The following GALNT13 variants were observed in gnomAD, a reference collection of about 807,000 sequenced individuals.
The protein encoded by GALNT13 is UDP-GalNAc:polypeptide N-acetylgalactosaminyltransferase 13.
A neutral mutation model predicts 64.2 loss-of-function variants in GALNT13; 28 were observed. The observed-to-expected ratio is 0.44, with a 90% confidence interval of 0.32 to 0.60. The LOEUF is 0.60. Ranked by LOEUF, GALNT13 falls within the 20% of genes least tolerant of loss-of-function variation. The pLI, the probability that GALNT13 is intolerant of heterozygous loss-of-function variation, is 0.05. For missense variants in GALNT13, 577 were observed against 669.8 expected (o/e 0.86, Z 1.53); for synonymous variants, 214 against 224.6 (o/e 0.95, Z 0.42).
At chr2:153,635,454 G>GTATATATATATACATATA in the GALNT13 span, among the ~76,000 whole-genome samples, 1 of 145,542 alleles carries the variant, frequency 6.9e-6, no homozygotes, top group Non-Finnish European at 1.5e-5. Context: ...ACATATATAT[G>GTATATATATATACATATA]TATATGTGTA....
chr2:153,782,498 A>G, the GALNT13 span, among the ~76,000 whole-genome samples: 1 of 152,170 alleles, frequency 6.6e-6, no homozygotes, highest in Non-Finnish European at 1.5e-5. Flanking sequence ...GTACAATATT[A>G]TAATTGTATG....
chr2:154,343,499 G>T (rs973382240), intron 9 of GALNT13, among the ~76,000 whole-genome samples: 27 of 152,012 alleles, frequency 1.8e-4, no homozygotes, highest in Non-Finnish European at 3.5e-4. Context: ...TTATACAATA[G>T]AGTGCTAGAG....
the GALNT13 span, chr2:153,423,573 A>G: frequency 2.0e-5 from 3 of 151,918 alleles, no homozygotes; most frequent in African/African-American, 7.2e-5. Flanking sequence ...AAAGATTATG[A>G]TTATGTATAT....
At chr2:153,688,063 A>G in the GALNT13 span, among the ~76,000 whole-genome samples, 1 of 152,042 alleles carries the variant, frequency 6.6e-6, no homozygotes, top group African/African-American at 2.4e-5. Flanking sequence ...AAATTCTCAA[A>G]TTATATTTAG....
the GALNT13 span, among the ~76,000 whole-genome samples, chr2:153,630,793 ATATATATATATATATTTTTTTTTT>A: frequency 7.6e-5 from 1 of 13,242 alleles, no homozygotes; most frequent in Non-Finnish European, 1.5e-4. Flanking sequence ...ATATATATAT[ATATATATATATATATTTTTTTTTT>A]TTTTTTTATT....
chr2:153,921,786 T>C (rs1052142124), intron 2 of GALNT13, among the ~76,000 whole-genome samples: 7 of 151,886 alleles, frequency 4.6e-5, no homozygotes, highest in Admixed American at 1.3e-4. Context: ...CAGAAACAAT[T>C]GACACATGGA....
At chr2:154,246,039 T>A in intron 7 of GALNT13, 57 bp downstream of exon 7, 7 of 1,206,782 alleles carry the variant, frequency 5.8e-6, no homozygotes, top group Non-Finnish European at 8.2e-6. Flanking sequence ...TTAAGGAATA[T>A]TATAGATTTC....
chr2:153,573,729 A>G, the GALNT13 span, among the ~76,000 whole-genome samples: 16 of 152,188 alleles, frequency 1.1e-4, no homozygotes, highest in Non-Finnish European at 2.4e-4. Context: ...TATAAAAACT[A>G]TATGCCTTAA....
the GALNT13 span, among the ~76,000 whole-genome samples, chr2:153,591,880 G>T: frequency 6.6e-6 from 1 of 151,926 alleles, no homozygotes; most frequent in Non-Finnish European, 1.5e-5. Flanking sequence ...AATCAACAGG[G>T]TAAATAGATA....
At chr2:153,870,050 C>G (rs1685826190), upstream of GALNT13, among the ~76,000 whole-genome samples, 2 of 151,852 alleles carry the variant, frequency 1.3e-5, no homozygotes, top group South Asian at 4.2e-4. Flanking sequence ...CCACACCAGA[C>G]AAGTGAGTGA....
the GALNT13 span, among the ~76,000 whole-genome samples, chr2:153,654,269 T>C: frequency 6.6e-6 from 1 of 152,124 alleles, no homozygotes; most frequent in Non-Finnish European, 1.5e-5. Context: ...ATTTAAATAG[T>C]CTTATAAGAC....
the GALNT13 span, among the ~76,000 whole-genome samples, chr2:153,774,251 G>T: frequency 6.6e-6 from 1 of 151,844 alleles, no homozygotes; most frequent in African/African-American, 2.4e-5. Flanking sequence ...AAAAACTCAA[G>T]AGTAAATGCT....
At chr2:153,314,912 T>G in the GALNT13 span, among the ~76,000 whole-genome samples, 2 of 148,654 alleles carry the variant, frequency 1.3e-5, no homozygotes, top group Admixed American at 1.3e-4. Flanking sequence ...AAAATAACAG[T>G]AAAGATTAAA....
chr2:153,755,526 C>G, the GALNT13 span, among the ~76,000 whole-genome samples: 1 of 151,956 alleles, frequency 6.6e-6, no homozygotes, highest in Non-Finnish European at 1.5e-5. Flanking sequence ...TTTAATTTAT[C>G]CATTGACCTC....
At chr2:154,063,762 A>G (rs186839830) in intron 3 of GALNT13, among the ~76,000 whole-genome samples, 1 of 152,212 alleles carries the variant, frequency 6.6e-6, no homozygotes, top group African/African-American at 2.4e-5. Context: ...TAGTTTCAAA[A>G]GCAAGAGGTT....
the GALNT13 span, among the ~76,000 whole-genome samples, chr2:153,279,286 A>G: frequency 6.6e-6 from 1 of 152,118 alleles, no homozygotes; most frequent in Non-Finnish European, 1.5e-5. Context: ...CTAGGTATAG[A>G]ACTATATCAT....
the GALNT13 span, among the ~76,000 whole-genome samples, chr2:153,574,613 C>A: frequency 2.4e-4 from 36 of 152,000 alleles, 1 homozygote; most frequent in Non-Finnish European, 1.0e-4. Flanking sequence ...CTTTCTTCTG[C>A]CTTATTGATG....
At chr2:153,340,482 C>T in the GALNT13 span, among the ~76,000 whole-genome samples, 32 of 151,790 alleles carry the variant, frequency 2.1e-4, no homozygotes, top group Non-Finnish European at 4.3e-4. Flanking sequence ...TGATGAAACC[C>T]CTTCTTTACC....
the GALNT13 span, among the ~76,000 whole-genome samples, chr2:153,619,263 G>A: frequency 6.6e-6 from 1 of 151,946 alleles, no homozygotes; most frequent in Non-Finnish European, 1.5e-5. Context: ...ACCAGATAAT[G>A]ACCTAACACT....
Sources: gnomAD v4.1 joint callset for allele counts (sites outside exome capture counted in the v4.1 genomes callset) on GRCh38, gnomAD v4.1.1 for gene constraint, MANE v1.5 for transcripts, NCBI Gene and HGNC (gene_info 2026-07-23, HGNC 2026-07-21) for gene names.